Variants in ADAMTS17 observed in about 807,000 individuals in gnomAD.
ADAMTS17 encodes ADAM metallopeptidase with thrombospondin type 1 motif 17, also known as A disintegrin and metalloproteinase with thrombospondin motifs 17.
A neutral mutation model predicts 141.5 loss-of-function variants in ADAMTS17; 113 were observed. The observed-to-expected ratio is 0.80, with a 90% CI of 0.69 to 0.93. The LOEUF (loss-of-function observed/expected upper bound fraction) is 0.93. Among genes scored for constraint, ADAMTS17 ranks in the 40% least tolerant of loss-of-function variants. The probability of loss-of-function intolerance (pLI) is 0.00; values close to 1 mark genes in which losing one functional copy is unlikely to be tolerated. For missense variants in ADAMTS17, 1,659 were observed against 1,517.9 expected (o/e 1.09, Z -1.54); for synonymous variants, 768 against 630.6 (o/e 1.22, Z -3.27).
In ADAMTS17 at chr15:100,017,888, G is replaced by A. The variant is rs151145668; in HGVS notation, c.2592-20299C>T. ...TAGGTGTGAAGTGGTATTTCATTAT[G>A]TGTGTTTTTTTGTCGTGGTAAAATA... On this transcript the variant is annotated intron_variant, in intron 18 of 21. Transcript: ENST00000268070. 3.9e-5 allele frequency among the ~76,000 whole-genome samples: 6 copies of A among 152,146 alleles called. No homozygotes were observed. The South Asian group carries it at 1.2e-3, about 32-fold the overall frequency.
At chr15:100,302,963 C>G (rs1457726704) in intron 3 of ADAMTS17, among the ~76,000 whole-genome samples, 1 of 152,016 alleles carries the variant, frequency 6.6e-6, no homozygotes, top group Non-Finnish European at 1.5e-5. Flanking sequence ...TGGATGCTTC[C>G]TGTCCTCAAA....
rs534228955 is a variant in ADAMTS17 at position 100,048,789 on chromosome 15, T to C, written c.2591+68A>G. ...TACTGTGGCATTAACTGCATATCACTCCCCACCACTGATGGTGCTGCCGCC... is the reference window on the plus strand; with the variant it reads ...TACTGTGGCATTAACTGCATATCACCCCCCACCACTGATGGTGCTGCCGCC... On this transcript the variant is annotated intron_variant, in intron 18 of 21. Coordinates refer to ENST00000268070, the MANE Select transcript of ADAMTS17 (RefSeq NM_139057.4). 50 of 1,609,242 alleles carry C rather than the reference T, an allele frequency of 3.1e-5. No homozygotes were observed. The East Asian group carries it at 1.0e-3, about 33-fold the overall frequency.
At position 100,071,227 on chromosome 15, in the gene ADAMTS17, C is replaced by A. The variant is rs898413169; in HGVS notation, c.2138-17173G>T. On this transcript the variant is annotated intron_variant, in intron 15 of 21. Transcript: ENST00000268070. ...AATCTCTGAATAGACCAATAACAGG[C>A]TCAGAAATTGAGGCAATAATTAATA... 4.0e-5 allele frequency among the ~76,000 whole-genome samples: 6 copies of A among 149,942 alleles called. 1 individual carries two copies. Among genetic ancestry groups the A allele is most frequent in the African/African-American group, 1.2e-4 (5 of 40,502 alleles).
At position 100,048,906 on chromosome 15, in the gene ADAMTS17, G is replaced by A. The variant is rs752752402; in HGVS notation, c.2542C>T (p.Arg848Cys). Residue 848 changes from arginine (R) to cysteine (C), a missense_variant, in exon 18 of 22, where the codon CGC (arginine) becomes TGC (cysteine). Physicochemically the swap from Arg to Cys is radical, Grantham distance 180. Coordinates refer to ENST00000268070, the MANE Select transcript of ADAMTS17 (RefSeq NM_139057.4). The part of the protein sequence containing the change: ...VNDSDCPQAS[R>C]PEPQVRRCNL... ...CACCTTCGGACCTGGGGCTCTGGGC[G>A]GCTTGCTTGAGGGCAGTCACTGTCG... The A allele has an allele frequency of 1.1e-5, 17 of 1,614,160 alleles. No individual in the cohort carries two copies. The highest frequency in any genetic ancestry group is 2.2e-5 in the East Asian group (1 of 44,868).
At position 100,306,726 on chromosome 15, in the gene ADAMTS17, GTTC is replaced by G. The variant is rs764753274; in HGVS notation, c.616+24160_616+24162del. 1,982 of 374,078 alleles carry G rather than the reference GTTC, an allele frequency of 5.3e-3. 15 individuals carry two copies. The highest frequency in any genetic ancestry group is 7.0e-3 in the Non-Finnish European group (1,326 of 188,776). The allele number at this position is 374,078 out of a possible 1,614,324, so 23.2% of individuals were successfully genotyped here. A position where few individuals can be genotyped will look rare whatever the true frequency, so the allele number is the denominator to read the frequency against. ...GAGACAGCAGTCAGCGCCATAACTT[GTTC>G]GTTTCTCCCATGCTCGAACTCGGTA... On this transcript the variant is annotated intron_variant, in intron 3 of 21. Coordinates refer to ENST00000268070, the MANE Select transcript of ADAMTS17 (RefSeq NM_139057.4).
intron 4 of ADAMTS17, among the ~76,000 whole-genome samples, chr15:100,265,288 G>C (rs994216272): frequency 2.0e-5 from 3 of 152,212 alleles, no homozygotes; most frequent in Non-Finnish European, 4.4e-5. Flanking sequence ...AAGCCTCAAA[G>C]ACATGTAACA....
rs185976193 is a variant in ADAMTS17 at position 100,262,207 on chromosome 15, C to G, written c.873+145G>C. On this transcript the variant is annotated intron_variant, in intron 5 of 21. Transcript: ENST00000268070. ...CACACCATGCTTCCGGTACTGATGC[C>G]GGCTTTCCTCTCACGCTGGCAAAGC... is the stretch of plus-strand genomic sequence containing the variant. 6.5e-4 allele frequency: 484 copies of G among 743,856 alleles called. 6 individuals carry two copies. In the Admixed American group the frequency reaches 0.01, roughly 15 times the overall value. 46.1% of individuals were successfully genotyped at this position (743,856 alleles called of 1,614,324 possible).
At chr15:100,023,188 T>C (rs572303676) in intron 18 of ADAMTS17, among the ~76,000 whole-genome samples, 1 of 152,056 alleles carries the variant, frequency 6.6e-6, no homozygotes, top group African/African-American at 2.4e-5. Context: ...TGTTTTTAGG[T>C]GAACAAAATA....
chr15:100,001,976 C>CAAAAAAAAAA (rs71151930), intron 18 of ADAMTS17, among the ~76,000 whole-genome samples: 10 of 33,608 alleles, frequency 3.0e-4, no homozygotes, highest in Non-Finnish European at 3.9e-4. Flanking sequence ...GACTCAGTCT[C>CAAAAAAAAAA]AAAAAAAAGG....
chr15:99,989,686 G>C (rs1037171587), intron 20 of ADAMTS17, among the ~76,000 whole-genome samples: 2 of 152,188 alleles, frequency 1.3e-5, no homozygotes, highest in African/African-American at 4.8e-5. Context: ...TTCAAGCTAG[G>C]TCTGGATGTG....
Position 100,261,534 on chromosome 15 carries a change from C to G in ADAMTS17, c.976G>C (p.Val326Leu). The G allele has an allele frequency of 6.2e-7, 1 of 1,614,188 alleles. No homozygotes were observed. The highest frequency in any genetic ancestry group is 8.5e-7 in the Non-Finnish European group (1 of 1,180,026). Residue 326 changes from valine to leucine, a missense_variant, in exon 6 of 22, where the codon GTT becomes CTT. Coordinates refer to ENST00000268070, the MANE Select transcript of ADAMTS17 (RefSeq NM_139057.4). ...GGARYLGNNQ[V>L]PGGKDDPPLV... ...GGCGGGTCGTCCTTCCCGCCGGGAACCTGGTTATTGCCGAGGTATCGCGCT... is the reference window on the plus strand; with the variant it reads ...GGCGGGTCGTCCTTCCCGCCGGGAAGCTGGTTATTGCCGAGGTATCGCGCT...
chr15:100,271,408 A>AT (rs139654078), intron 4 of ADAMTS17, among the ~76,000 whole-genome samples: 1 of 151,912 alleles, frequency 6.6e-6, no homozygotes, highest in Non-Finnish European at 1.5e-5. Flanking sequence ...TTGGTGTTTT[A>AT]TTTTTTTGTT....
chr15:100,121,350 A>G (rs1014604701), intron 12 of ADAMTS17, among the ~76,000 whole-genome samples: 1 of 152,180 alleles, frequency 6.6e-6, no homozygotes, highest in Non-Finnish European at 1.5e-5. Context: ...TAAATCCAAG[A>G]AGCTCGAGAA....
intron 15 of ADAMTS17, among the ~76,000 whole-genome samples, chr15:100,091,805 GATC>G (rs2035487480): frequency 6.6e-6 from 1 of 152,114 alleles, no homozygotes; most frequent in Non-Finnish European, 1.5e-5. Context: ...TTAGTAAATA[GATC>G]ATAAAATATT....
chr15:100,277,571 C>T (rs1243687396), intron 4 of ADAMTS17, among the ~76,000 whole-genome samples: 1 of 152,224 alleles, frequency 6.6e-6, no homozygotes, highest in African/African-American at 2.4e-5. Flanking sequence ...ATGAAAACAT[C>T]TGGTGCAGAG....
intron 15 of ADAMTS17, among the ~76,000 whole-genome samples, chr15:100,069,267 T>C (rs962553442): frequency 9.9e-5 from 15 of 152,202 alleles, no homozygotes; most frequent in African/African-American, 2.4e-4. Flanking sequence ...CTACTTCTGA[T>C]TGGTGTACCT....
At chr15:100,286,211 C>T (rs1334755168) in intron 3 of ADAMTS17, among the ~76,000 whole-genome samples, 1 of 152,176 alleles carries the variant, frequency 6.6e-6, no homozygotes, top group Admixed American at 6.5e-5. Context: ...AGACTTCACC[C>T]TCCCTCCCCG....
intron 3 of ADAMTS17, among the ~76,000 whole-genome samples, chr15:100,295,468 C>G (rs1317798761): frequency 1.3e-5 from 2 of 152,162 alleles, no homozygotes; most frequent in African/African-American, 4.8e-5. Context: ...ATGGTTCCAG[C>G]CTCCAGCTCT....
intron 8 of ADAMTS17, among the ~76,000 whole-genome samples, chr15:100,175,171 G>T (rs536857609): frequency 6.6e-6 from 1 of 152,312 alleles, no homozygotes; most frequent in African/African-American, 2.4e-5. Context: ...AGCTGTTCCA[G>T]TTCCTATGCC....
Sources: allele counts gnomAD v4.1 joint callset (sites outside exome capture counted in the v4.1 genomes callset), GRCh38; gene constraint gnomAD v4.1.1; transcripts MANE v1.5; gene names NCBI Gene and HGNC (gene_info 2026-07-23, HGNC 2026-07-21).